The following ARSG variants were observed in gnomAD, a reference collection of about 807,000 sequenced individuals.
ARSG encodes the protein ASG.
A neutral mutation model predicts 50.5 loss-of-function variants in ARSG; 37 were observed. The observed-to-expected ratio is 0.73, with a 90% CI of 0.56 to 0.96. The LOEUF (loss-of-function observed/expected upper bound fraction) is 0.96. Among genes scored for constraint, ARSG ranks in the 50% least tolerant of loss-of-function variants. The probability of loss-of-function intolerance (pLI) is 0.00; values close to 1 mark genes in which losing one functional copy is unlikely to be tolerated. For synonymous variants in ARSG, 225 were observed against 254.6 expected (o/e 0.88, Z 1.11); for missense variants, 629 against 675.3 (o/e 0.93, Z 0.76).
chr17:68,397,931 T>A (rs961524334), intron 10 of ARSG, among the ~76,000 whole-genome samples: 5 of 152,060 alleles, frequency 3.3e-5, no homozygotes, highest in Non-Finnish European at 5.9e-5. Context: ...CACGCCTAGA[T>A]AATTTTTGTA....
intron 9 of ARSG, 70 bp downstream of exon 9, chr17:68,385,242 A>AGATGGAGGCATGGGTGGCTG: frequency 1.4e-6 from 2 of 1,388,292 alleles, no homozygotes; most frequent in East Asian, 2.3e-5. Context: ...ATGGGTGGCT[A>AGATGGAGGCATGGGTGGCTG]GATGGAGGCA....
At chr17:68,427,051 G>A, downstream of ARSG, 4 of 1,160,094 alleles carry the variant, frequency 3.4e-6, no homozygotes, top group Non-Finnish European at 3.8e-6. Context: ...TAACAGTGAA[G>A]GGGGAAGGGG....
rs782085718 is a variant in ARSG, at chr17:68,270,804, T to A, written c.-552+11378T>A. ...AGCTAGCACAATTCACAAGGGAAAGTAGACAAGTGTTTGTATTTTGTGTAT... is the reference window on the plus strand; with the variant it reads ...AGCTAGCACAATTCACAAGGGAAAGAAGACAAGTGTTTGTATTTTGTGTAT... On this transcript the variant is annotated intron_variant, in intron 1 of 11. Coordinates refer to the ARSG transcript ENST00000448504. 10 of 1,521,668 alleles carry A rather than the reference T, an allele frequency of 6.6e-6. No individual in the cohort carries two copies. In the South Asian group the frequency reaches 1.1e-4, roughly 17 times the overall value. 94.3% of individuals were successfully genotyped at this position (1,521,668 alleles called of 1,614,324 possible). A position where few individuals can be genotyped will look rare whatever the true frequency, so the allele number is the denominator to read the frequency against.
chr17:68,340,097 TCTCTCATCACCTA>T (rs1405516813), intron 2 of ARSG, among the ~76,000 whole-genome samples: 1 of 152,202 alleles, frequency 6.6e-6, no homozygotes, highest in Non-Finnish European at 1.5e-5. Flanking sequence ...AGGAGTGCTT[TCTCTCATCACCTA>T]GTGATGACTG....
chr17:68,437,840 A>G, the ARSG span, among the ~76,000 whole-genome samples: 1 of 151,138 alleles, frequency 6.6e-6, no homozygotes, highest in Non-Finnish European at 1.5e-5. Flanking sequence ...TTTCAAAACA[A>G]TGGTTTAGAT....
chr17:68,437,948 TAAAAAAAAAA>T, the ARSG span, among the ~76,000 whole-genome samples: 2 of 78,806 alleles, frequency 2.5e-5, no homozygotes, highest in Admixed American at 1.3e-4. Flanking sequence ...ACATCTCTCT[TAAAAAAAAAA>T]AAAAAAAAAA....
chr17:68,282,398 T>C (rs1336492926), intron 1 of ARSG, among the ~76,000 whole-genome samples: 5 of 151,902 alleles, frequency 3.3e-5, no homozygotes, highest in African/African-American at 9.7e-5. Context: ...ATATACCTAA[T>C]GTTAAATGAC....
chr17:68,306,365 C>T (rs1555764070), intron 1 of ARSG, among the ~76,000 whole-genome samples: 3 of 151,954 alleles, frequency 2.0e-5, no homozygotes, highest in African/African-American at 7.3e-5. Context: ...TGCACTCCAG[C>T]CTGGGTGACA....
At chr17:68,428,730 A>G in the ARSG span, 4 of 915,238 alleles carry the variant, frequency 4.4e-6, no homozygotes, top group East Asian at 5.2e-5. Context: ...GTGAAGAACA[A>G]ATCAATGCAA....
intron 1 of ARSG, among the ~76,000 whole-genome samples, chr17:68,277,434 CTTT>C (rs1555751361): frequency 6.7e-6 from 1 of 150,102 alleles, no homozygotes; most frequent in South Asian, 2.1e-4. Flanking sequence ...CCGGCCGCAA[CTTT>C]TTTCTTTTTT....
downstream of ARSG, chr17:68,426,255 C>T: frequency 2.9e-6 from 3 of 1,037,524 alleles, 1 homozygote; most frequent in South Asian, 2.6e-5. Context: ...GGAGCGGGGG[C>T]TCAAATAAAG....
chr17:68,385,176 T>C lies in ARSG; in HGVS notation c.1091+4T>C. 6.2e-7 allele frequency: 1 copy of C among 1,612,742 alleles called. No homozygotes were observed. The highest frequency in any genetic ancestry group is 8.5e-7 in the Non-Finnish European group (1 of 1,178,952). ...TCACCAGCACTGCCTTGTTAAGGTA[T>C]GAGACCAAAACTACCTTGAGATGTT... On this transcript the variant is annotated splice_donor_region_variant and intron_variant, in intron 9 of 11. Transcript: ENST00000621439.
Position 68,418,607 on chromosome 17 carries a change from G to A in ARSG, c.1304-1582G>A, listed in dbSNP as rs117107136. Among the ~76,000 whole-genome samples the A allele has an allele frequency of 7.4e-3, 1,130 of 152,312 alleles. 6 individuals carry two copies. The highest frequency in any genetic ancestry group is 0.023 in the South Asian group (110 of 4,830). On this transcript the variant is annotated intron_variant, in intron 11 of 11. Coordinates refer to ENST00000621439, the MANE Select transcript of ARSG (RefSeq NM_001267727.2). ...GACCAGAAGGCTGAATCCTTAGGTG[G>A]TATGGCTTTGCCCCTATAGACTTCC...
intron 2 of ARSG, among the ~76,000 whole-genome samples, chr17:68,332,546 T>C (rs1034504547): frequency 1.3e-5 from 2 of 152,138 alleles, no homozygotes; most frequent in African/African-American, 2.4e-5. Context: ...ATCTTCACAA[T>C]TGATGTTAAG....
chr17:68,375,750 C>G (rs1299868484), intron 8 of ARSG, among the ~76,000 whole-genome samples: 1 of 152,006 alleles, frequency 6.6e-6, no homozygotes, highest in Non-Finnish European at 1.5e-5. Flanking sequence ...GGGCAGCAGC[C>G]CGGGCAGGGG....
chr17:68,395,073 C>A lies in ARSG; in HGVS notation c.1092C>A (p.Ser364Arg). The A allele has an allele frequency of 6.2e-7, 1 of 1,613,822 alleles. No homozygotes were observed. The highest frequency in any genetic ancestry group is 8.5e-7 in the Non-Finnish European group (1 of 1,179,818). ...PVNVTSTALLSVLDIFPTVVA... is the reference protein window; with the variant it reads ...PVNVTSTALLRVLDIFPTVVA... The stretch of plus-strand genomic sequence containing the variant: ...CAACTCAGTCTTGTTATTTCCGCAG[C>A]GTGCTGGACATTTTTCCAACTGTGG... Residue 364 changes from serine (S) to arginine (R), a missense_variant and splice_region_variant, in exon 10 of 12, where the codon AGC (serine) becomes AGA (arginine). Physicochemically the swap from Ser to Arg is moderately radical, Grantham distance 110 (BLOSUM62 -1). Coordinates refer to ENST00000621439, the MANE Select transcript of ARSG (RefSeq NM_001267727.2).
At chr17:68,356,597 T>A (rs919766729) in intron 5 of ARSG, 70 bp from the exon 6 acceptor site, 1 of 1,565,054 alleles carries the variant, frequency 6.4e-7, no homozygotes, top group African/African-American at 1.4e-5. Context: ...CATTGTTGCA[T>A]TAAAGCATTT....
At chr17:68,393,964 G>GTT (rs1256673298) in intron 9 of ARSG, among the ~76,000 whole-genome samples, 1 of 149,938 alleles carries the variant, frequency 6.7e-6, no homozygotes, top group African/African-American at 2.5e-5. Flanking sequence ...TTTTCTTTTT[G>GTT]TTTTTTTTGG....
chr17:68,297,945 G>C (rs1356260461), intron 1 of ARSG, among the ~76,000 whole-genome samples: 2 of 150,622 alleles, frequency 1.3e-5, no homozygotes, highest in Non-Finnish European at 2.9e-5. Flanking sequence ...ATTGTGTTTG[G>C]GGTTGAGAAA....
Sources: allele counts gnomAD v4.1 joint callset (sites outside exome capture counted in the v4.1 genomes callset), GRCh38; gene constraint gnomAD v4.1.1; transcripts MANE v1.5; gene names NCBI Gene and HGNC (gene_info 2026-07-23, HGNC 2026-07-21).